The following PTPN13 variants were observed in gnomAD, a reference collection of about 807,000 sequenced individuals.
PTPN13 encodes protein tyrosine phosphatase non-receptor type 13.
Under a neutral mutation model 284.0 loss-of-function variants are expected in PTPN13, and 191 were observed. That is an observed-to-expected ratio of 0.67 (90% CI 0.60 to 0.76). The LOEUF is 0.76. Ranked by LOEUF, PTPN13 falls within the 30% of genes least tolerant of loss-of-function variation. The pLI is 0.00. For missense variants in PTPN13, 2,797 were observed against 2,939.9 expected, an observed-to-expected ratio of 0.95 and a Z score of 1.12; for synonymous variants, 986 against 1,022.3, an observed-to-expected ratio of 0.96 and a Z score of 0.68.
In PTPN13 at chr4:86,722,194, C is replaced by G; in HGVS notation, c.1386-18C>G. On this transcript the variant is annotated intron_variant, in intron 9 of 47. Coordinates refer to ENST00000411767, the MANE Select transcript of PTPN13 (RefSeq NM_080683.3). ...TGTTTTCCTCCCAATCCTCACCTGTCTCCTCTTTTCTATATAGCAGACAAT... is the reference window on the plus strand; with the variant it reads ...TGTTTTCCTCCCAATCCTCACCTGTGTCCTCTTTTCTATATAGCAGACAAT... 3 of 1,584,022 alleles carry G rather than the reference C, an allele frequency of 1.9e-6. No individual in the cohort carries two copies. Among genetic ancestry groups the G allele is most frequent in the South Asian group, 1.1e-5 (1 of 90,300 alleles).
chr4:86,790,537 C>CCACA (rs140695478), intron 40 of PTPN13, among the ~76,000 whole-genome samples: 197 of 150,664 alleles, frequency 1.3e-3, no homozygotes, highest in African/African-American at 4.5e-3. Flanking sequence ...TTTTTAAGTG[C>CCACA]CACACACACA....
At chr4:86,613,093 A>G (rs977068896) in intron 1 of PTPN13, among the ~76,000 whole-genome samples, 1 of 152,212 alleles carries the variant, frequency 6.6e-6, no homozygotes, top group Non-Finnish European at 1.5e-5. Flanking sequence ...ATTGAACTTG[A>G]TAATAGGCTG....
chr4:86,782,290 T>G, intron 37 of PTPN13, 28 bp downstream of exon 37: 1 of 1,536,662 alleles, frequency 6.5e-7, no homozygotes. Flanking sequence ...CTCTTTCATG[T>G]CATACCTCCT....
At chr4:86,611,581 A>G (rs766985078) in intron 1 of PTPN13, among the ~76,000 whole-genome samples, 9 of 152,246 alleles carry the variant, frequency 5.9e-5, no homozygotes, top group Non-Finnish European at 1.2e-4. Flanking sequence ...GACACTGTAC[A>G]TCGGGTAATA....
chr4:86,780,653 C>G (rs1329182303), intron 36 of PTPN13, among the ~76,000 whole-genome samples, 181 bp downstream of exon 36: 1 of 152,206 alleles, frequency 6.6e-6, no homozygotes, highest in Admixed American at 6.5e-5. Flanking sequence ...TACATAAAAA[C>G]TTGGACAGAA....
In PTPN13 at chr4:86,757,762, C is replaced by CAAA. The variant is rs542129918; in HGVS notation, c.3224-484_3224-482dup. Among the ~76,000 whole-genome samples the CAAA allele has an allele frequency of 1.6e-3, 180 of 112,512 alleles. 1 individual carries two copies. The highest frequency in any genetic ancestry group is 6.2e-3 in the African/African-American group (177 of 28,468). 73.8% of individuals were successfully genotyped at this position (112,512 alleles called of 152,430 possible). On this transcript the variant is annotated intron_variant, in intron 20 of 47. Transcript: ENST00000411767. ...TGAGTAGCAAAGCAAGACTCTGTCTCAAAAAAAAAAAAAAAATCCAGTTTC... is the reference window on the plus strand; with the variant it reads ...TGAGTAGCAAAGCAAGACTCTGTCTCAAAAAAAAAAAAAAAAAAATCCAGTTTC...
chr4:86,705,581 A>G (rs898243486), intron 7 of PTPN13, among the ~76,000 whole-genome samples: 3 of 152,192 alleles, frequency 2.0e-5, no homozygotes, highest in Admixed American at 2.0e-4. Context: ...AGTTTTAAAA[A>G]GAAATGTTTT....
intron 20 of PTPN13, among the ~76,000 whole-genome samples, chr4:86,757,775 A>AAAAAAAAAAAAAAAAAT (rs1337933173): frequency 3.3e-5 from 5 of 152,012 alleles, no homozygotes; most frequent in African/African-American, 1.2e-4. Context: ...AAAAAAAAAA[A>AAAAAAAAAAAAAAAAAT]AAATCCAGTT....
chr4:86,616,508 T>C (rs1399036385), intron 1 of PTPN13, among the ~76,000 whole-genome samples: 1 of 103,590 alleles, frequency 9.7e-6, no homozygotes, highest in Non-Finnish European at 1.9e-5. Context: ...ATGTTAGAGG[T>C]GGGGCCTGGT....
At chr4:86,713,373 G>T (rs1386784703) in intron 7 of PTPN13, among the ~76,000 whole-genome samples, 1 of 151,980 alleles carries the variant, frequency 6.6e-6, no homozygotes, top group Admixed American at 6.6e-5. Context: ...AATATAACTT[G>T]CATATAATGT....
At chr4:86,774,058 A>G (rs1273227237) in intron 32 of PTPN13, among the ~76,000 whole-genome samples, 2 of 152,154 alleles carry the variant, frequency 1.3e-5, no homozygotes, top group Admixed American at 6.5e-5. Context: ...TCATCAAAGT[A>G]TAACCACTAT....
At chr4:86,735,340 G>A (rs995399751) in intron 14 of PTPN13, among the ~76,000 whole-genome samples, 3 of 152,126 alleles carry the variant, frequency 2.0e-5, no homozygotes, top group Admixed American at 6.5e-5. Context: ...CCTTCACAAC[G>A]TTCATCCTAA....
At chr4:86,704,658 T>C (rs1268240806) in intron 7 of PTPN13, among the ~76,000 whole-genome samples, 4 of 152,196 alleles carry the variant, frequency 2.6e-5, no homozygotes, top group Admixed American at 1.3e-4. Flanking sequence ...TGTTATAGGA[T>C]GCACAAACAA....
chr4:86,765,186 G>A (rs1163516370), intron 25 of PTPN13, among the ~76,000 whole-genome samples: 1 of 152,198 alleles, frequency 6.6e-6, no homozygotes, highest in African/African-American at 2.4e-5. Flanking sequence ...TAGTCAGAAT[G>A]TGAGCATAGG....
At position 86,597,166 on chromosome 4, in the gene PTPN13, CTT is replaced by C. The variant is rs34114364; in HGVS notation, c.-6+2390_-6+2391del. On this transcript the variant is annotated intron_variant, in intron 1 of 47. Coordinates refer to ENST00000411767, the MANE Select transcript of PTPN13 (RefSeq NM_080683.3). ...ACGAGAATCTTTTGGGCTGGGCTTC[CTT>C]TTTTTTTTTTTTCCCTGAAAAACTC... Among the ~76,000 whole-genome samples the C allele has an allele frequency of 6.4e-5, 9 of 141,550 alleles. No homozygotes were observed. The South Asian group carries it at 9.1e-4, about 14-fold the overall frequency. The allele number at this position is 141,550 out of a possible 152,430, so 92.9% of individuals were successfully genotyped here.
chr4:86,743,472 T>C (rs1471319078), intron 16 of PTPN13, among the ~76,000 whole-genome samples: 1 of 151,726 alleles, frequency 6.6e-6, no homozygotes, highest in Non-Finnish European at 1.5e-5. Context: ...GCATGTTTGT[T>C]AGGGGAAAAA....
rs1227943335 is a variant in PTPN13, at chr4:86,770,113, G to A, written c.4717G>A (p.Ala1573Thr). The change falls in exon 30 of 48, where the codon GCT (alanine) becomes ACT (threonine). Residue 1573 changes from alanine (A) to threonine (T), a missense_variant. Ala to Thr is a moderately conservative substitution (Grantham distance 58). Transcript: ENST00000411767. The part of the protein sequence containing the change: ...KGLSQQEVIS[A>T]LRGTAPEVFL... ...ATGGTACCCCCAGGAAGTCATATCT[G>A]CTCTCAGGGGAACTGCTCCAGAAGT... The A allele has an allele frequency of 5.0e-6, 8 of 1,613,476 alleles. No homozygotes were observed. The highest frequency in any genetic ancestry group is 1.1e-5 in the South Asian group (1 of 91,014).
At chr4:86,697,038 A>G (rs1730659937) in intron 6 of PTPN13, among the ~76,000 whole-genome samples, 1 of 152,094 alleles carries the variant, frequency 6.6e-6, no homozygotes, top group African/African-American at 2.4e-5. Flanking sequence ...ATTACCAGGC[A>G]GAAGCATTCA....
At chr4:86,633,149 G>A (rs543321765) in intron 1 of PTPN13, among the ~76,000 whole-genome samples, 2 of 152,070 alleles carry the variant, frequency 1.3e-5, no homozygotes, top group South Asian at 2.1e-4. Context: ...TAGAATTTTT[G>A]TGCAACCATT....
Sources: gnomAD v4.1 joint callset for allele counts (sites outside exome capture counted in the v4.1 genomes callset) on GRCh38, gnomAD v4.1.1 for gene constraint, MANE v1.5 for transcripts, NCBI Gene and HGNC (gene_info 2026-07-23, HGNC 2026-07-21) for gene names.